CCSER1: variants seen among roughly 807,000 people sequenced by gnomAD.
CCSER1 encodes serine-rich coiled-coil domain-containing protein 1.
In CCSER1, 41 loss-of-function variants were observed where a neutral mutation model predicts 82.0. The ratio of observed to expected loss-of-function variants is 0.50; its 90% CI spans 0.39 to 0.65. The LOEUF (loss-of-function observed/expected upper bound fraction) is 0.65, where lower values mean the gene tolerates loss of function less well. Ranked by LOEUF, CCSER1 falls within the 30% of genes least tolerant of loss-of-function variation. CCSER1 has a pLI of 0.00. For synonymous variants in CCSER1, 414 were observed against 383.9 expected (o/e 1.08, Z -0.92); for missense variants, 1,119 against 1,064.2 (o/e 1.05, Z -0.72).
intron 10 of CCSER1, among the ~76,000 whole-genome samples, chr4:91,277,582 G>A (rs1207074776): frequency 7.6e-6 from 1 of 131,862 alleles, no homozygotes; most frequent in African/African-American, 2.8e-5. Flanking sequence ...CTTTTTCTTG[G>A]TTAGTCTAGC....
intron 10 of CCSER1, among the ~76,000 whole-genome samples, chr4:91,275,480 T>C (rs1157851651): frequency 6.6e-6 from 1 of 152,210 alleles, no homozygotes; most frequent in African/African-American, 2.4e-5. Context: ...TTCTGACAAA[T>C]GTATATTAAG....
chr4:91,064,222 G>C (rs1397819967), intron 9 of CCSER1, among the ~76,000 whole-genome samples: 1 of 152,134 alleles, frequency 6.6e-6, no homozygotes, highest in Non-Finnish European at 1.5e-5. Context: ...ATTGCCAAAA[G>C]AAGTAGTAAG....
chr4:91,019,886 A>T (rs1018353074), intron 9 of CCSER1, among the ~76,000 whole-genome samples: 2 of 152,130 alleles, frequency 1.3e-5, no homozygotes, highest in African/African-American at 2.4e-5. Flanking sequence ...TTCTTTTTAG[A>T]CTTGCTCTTC....
intron 5 of CCSER1, among the ~76,000 whole-genome samples, chr4:90,613,026 G>T (rs1448441109): frequency 6.6e-6 from 1 of 152,094 alleles, no homozygotes; most frequent in Non-Finnish European, 1.5e-5. Context: ...CAAACTCAGA[G>T]ATCACAAAGG....
At chr4:90,140,662 T>A (rs1374886162) in intron 1 of CCSER1, among the ~76,000 whole-genome samples, 4 of 132,006 alleles carry the variant, frequency 3.0e-5, no homozygotes, top group African/African-American at 5.7e-5. Context: ...GTCTACTTTT[T>A]TTTTTTTTTT....
At chr4:90,410,107 A>G (rs992502001) in intron 4 of CCSER1, among the ~76,000 whole-genome samples, 4 of 152,236 alleles carry the variant, frequency 2.6e-5, no homozygotes, top group Non-Finnish European at 5.9e-5. Context: ...TGCACCCATT[A>G]CAGGAGCACC....
chr4:90,720,771 A>T (rs1029783737), intron 6 of CCSER1, among the ~76,000 whole-genome samples: 2 of 152,058 alleles, frequency 1.3e-5, no homozygotes, highest in Non-Finnish European at 1.5e-5. Context: ...AATGCTATTA[A>T]AATGAGTACA....
intron 5 of CCSER1, among the ~76,000 whole-genome samples, chr4:90,591,717 A>G (rs1782720451): frequency 6.6e-6 from 1 of 152,226 alleles, no homozygotes; most frequent in Non-Finnish European, 1.5e-5. Context: ...TCATTCTACT[A>G]TAAAGACACA....
chr4:91,289,792 A>T (rs891341635), intron 10 of CCSER1, among the ~76,000 whole-genome samples: 1 of 152,072 alleles, frequency 6.6e-6, no homozygotes, highest in Non-Finnish European at 1.5e-5. Context: ...AAAACAATAA[A>T]GAAGAAATGT....
intron 10 of CCSER1, among the ~76,000 whole-genome samples, chr4:91,465,448 G>A (rs1027097597): frequency 6.6e-6 from 1 of 152,038 alleles, no homozygotes. Context: ...AAGAACTAGA[G>A]AAGCAAGAGC....
At chr4:91,077,114 G>T (rs979426525) in intron 9 of CCSER1, among the ~76,000 whole-genome samples, 11 of 152,152 alleles carry the variant, frequency 7.2e-5, no homozygotes, top group African/African-American at 2.2e-4. Flanking sequence ...ATTCCCAGGG[G>T]TCTCACAGGT....
At chr4:90,338,180 C>T (rs1051233434) in intron 3 of CCSER1, among the ~76,000 whole-genome samples, 2 of 152,174 alleles carry the variant, frequency 1.3e-5, no homozygotes, top group Non-Finnish European at 2.9e-5. Context: ...CCTCACCTCC[C>T]ACTATCTTCA....
chr4:90,626,011 C>G (rs1032606350), intron 5 of CCSER1, among the ~76,000 whole-genome samples: 2 of 151,580 alleles, frequency 1.3e-5, no homozygotes, highest in Non-Finnish European at 2.9e-5. Context: ...CATGACTGAC[C>G]AAATAATTTT....
At chr4:90,970,275 A>G (rs886129508) in intron 9 of CCSER1, among the ~76,000 whole-genome samples, 5 of 151,942 alleles carry the variant, frequency 3.3e-5, no homozygotes, top group Admixed American at 2.0e-4. Flanking sequence ...TGCCATGCAA[A>G]TGGTAACCAA....
At chr4:90,500,756 T>C (rs1769744399) in intron 5 of CCSER1, among the ~76,000 whole-genome samples, 1 of 152,130 alleles carries the variant, frequency 6.6e-6, no homozygotes, top group Non-Finnish European at 1.5e-5. Flanking sequence ...AAATTAATAT[T>C]TTTATTATAA....
At chr4:91,590,622 C>T (rs76260251) in intron 10 of CCSER1, among the ~76,000 whole-genome samples, 5,365 of 152,146 alleles carry the variant, frequency 0.035, 119 homozygotes, top group Non-Finnish European at 0.043. Flanking sequence ...TTGAGAAAGA[C>T]GCACATTTTA....
At chr4:90,705,128 T>C (rs1225924719) in intron 6 of CCSER1, among the ~76,000 whole-genome samples, 1 of 152,188 alleles carries the variant, frequency 6.6e-6, no homozygotes, top group Non-Finnish European at 1.5e-5. Context: ...TCTTTGATGA[T>C]CATGACATAA....
At chr4:91,216,861 G>C (rs1429872271) in intron 10 of CCSER1, among the ~76,000 whole-genome samples, 1 of 152,042 alleles carries the variant, frequency 6.6e-6, no homozygotes, top group Non-Finnish European at 1.5e-5. Flanking sequence ...TTATCTTCTT[G>C]CTATTGTTTG....
rs535058386 is a variant in CCSER1 at position 91,223,588 on chromosome 4, T to A, written c.2217+137594T>A. On this transcript the variant is annotated intron_variant, in intron 10 of 10. Transcript: ENST00000509176. ...AAATTTAGGTAGGGCCCAGATAATT[T>A]GCAAGGTGAAAAAATAGTTTTTAGG... Among the ~76,000 whole-genome samples the A allele has an allele frequency of 8.5e-4, 129 of 152,162 alleles. 2 individuals carry two copies. The highest frequency in any genetic ancestry group is 2.9e-3 in the African/African-American group (121 of 41,544).
Sources: gnomAD v4.1 joint callset for allele counts (sites outside exome capture counted in the v4.1 genomes callset) on GRCh38, gnomAD v4.1.1 for gene constraint, MANE v1.5 for transcripts, NCBI Gene and HGNC (gene_info 2026-07-23, HGNC 2026-07-21) for gene names.